The following MAP3K5 variants were observed in gnomAD, a reference collection of about 807,000 sequenced individuals.
MAP3K5 encodes the protein ASK-1.
In MAP3K5, 56 loss-of-function variants were observed where a neutral mutation model predicts 158.7. The ratio of observed to expected loss-of-function variants is 0.35; its 90% CI spans 0.28 to 0.44. MAP3K5 has a LOEUF of 0.44. Ranked by LOEUF, MAP3K5 falls within the 20% of genes least tolerant of loss-of-function variation. The pLI, the probability that MAP3K5 is intolerant of heterozygous loss-of-function variation, is 1.00. For missense variants in MAP3K5, 1,294 were observed against 1,674.8 expected (o/e 0.77, Z 3.97); for synonymous variants, 579 against 601.7 (o/e 0.96, Z 0.55).
intron 7 of MAP3K5, among the ~76,000 whole-genome samples, chr6:136,693,714 G>A (rs1780484071): frequency 6.6e-6 from 1 of 151,980 alleles, no homozygotes; most frequent in African/African-American, 2.4e-5. Context: ...TCTAAGATTG[G>A]CCCGGTGGCT....
At chr6:136,737,035 G>GTATATATATATATATA (rs1452375249) in intron 1 of MAP3K5, among the ~76,000 whole-genome samples, 35 of 118,708 alleles carry the variant, frequency 2.9e-4, no homozygotes, top group African/African-American at 5.7e-4. Flanking sequence ...ATATATGTGT[G>GTATATATATATATATA]TGTATATATA....
At chr6:136,645,503 T>G (rs1467236737) in intron 11 of MAP3K5, among the ~76,000 whole-genome samples, 5 of 152,078 alleles carry the variant, frequency 3.3e-5, no homozygotes, top group Admixed American at 6.6e-5. Flanking sequence ...TGCCCAAACT[T>G]CAACCCCCAA....
At chr6:136,588,916 C>T (rs1352825723) in intron 23 of MAP3K5, among the ~76,000 whole-genome samples, 1 of 152,212 alleles carries the variant, frequency 6.6e-6, no homozygotes. Context: ...GACAGCTTTC[C>T]TTTAGGACCC....
intron 1 of MAP3K5, among the ~76,000 whole-genome samples, chr6:136,757,579 A>ATTTATTTTTTTTTTTTTTTTTTTTT (rs1562679137): frequency 8.9e-6 from 1 of 111,970 alleles, no homozygotes. Flanking sequence ...TTATTTATTT[A>ATTTATTTTTTTTTTTTTTTTTTTTT]TTTTTTATTT....
At chr6:136,566,779 T>G (rs1774128808) in intron 26 of MAP3K5, among the ~76,000 whole-genome samples, 1 of 152,242 alleles carries the variant, frequency 6.6e-6, no homozygotes, top group African/African-American at 2.4e-5. Context: ...TTTTACCACT[T>G]GTACTCATTT....
intron 2 of MAP3K5, among the ~76,000 whole-genome samples, chr6:136,707,446 G>A (rs1420523542): frequency 1.3e-5 from 2 of 152,102 alleles, no homozygotes; most frequent in Middle Eastern, 3.2e-3. Flanking sequence ...GATCCAGGCC[G>A]GAGAGCTAGG....
chr6:136,571,804 T>C (rs1303324303), intron 25 of MAP3K5, among the ~76,000 whole-genome samples: 2 of 152,194 alleles, frequency 1.3e-5, no homozygotes, highest in East Asian at 1.9e-4. Context: ...GGTGCTTTCT[T>C]CTATCTTTAA....
Position 136,704,519 on chromosome 6 carries a change from A to C in MAP3K5, c.612+591T>G, listed in dbSNP as rs565366290. ...TTAGTGCCACTCATAATTCCACAAC[A>C]TTGAATACACTATAAAAGATTTTCT... On this transcript the variant is annotated intron_variant, in intron 3 of 29. Transcript: ENST00000359015. 5.8e-4 allele frequency among the ~76,000 whole-genome samples: 88 copies of C among 152,266 alleles called. 3 individuals carry two copies. The South Asian group carries it at 0.018, about 30-fold the overall frequency.
chr6:136,785,735 T>C (rs1285814487), intron 1 of MAP3K5, among the ~76,000 whole-genome samples: 2 of 152,154 alleles, frequency 1.3e-5, no homozygotes, highest in Non-Finnish European at 2.9e-5. Context: ...CCCCACCACC[T>C]TCACCACTCC....
At chr6:136,726,881 T>G (rs534266979) in intron 1 of MAP3K5, among the ~76,000 whole-genome samples, 11 of 152,266 alleles carry the variant, frequency 7.2e-5, no homozygotes, top group Middle Eastern at 6.8e-3. Context: ...ATATATTATT[T>G]TATATGTATT....
At chr6:136,661,795 C>G (rs1049716454) in intron 8 of MAP3K5, among the ~76,000 whole-genome samples, 3 of 152,192 alleles carry the variant, frequency 2.0e-5, no homozygotes, top group Non-Finnish European at 4.4e-5. Flanking sequence ...CTCGCCTTGG[C>G]CTCCCAAAGT....
At chr6:136,578,357 T>C (rs1456393028) in intron 25 of MAP3K5, among the ~76,000 whole-genome samples, 3 of 152,202 alleles carry the variant, frequency 2.0e-5, no homozygotes, top group Non-Finnish European at 4.4e-5. Context: ...ACTTATTGTT[T>C]CAACCAAATA....
intron 21 of MAP3K5, among the ~76,000 whole-genome samples, chr6:136,594,527 G>A (rs1028606896): frequency 6.6e-6 from 1 of 152,154 alleles, no homozygotes; most frequent in African/African-American, 2.4e-5. Context: ...ACTGATGGAA[G>A]AATACAGCTG....
intron 2 of MAP3K5, among the ~76,000 whole-genome samples, chr6:136,707,088 G>A (rs1055208382): frequency 1.3e-5 from 2 of 152,168 alleles, no homozygotes; most frequent in African/African-American, 2.4e-5. Context: ...CTTGAAGATC[G>A]AGGCTGCAGT....
intron 7 of MAP3K5, among the ~76,000 whole-genome samples, chr6:136,672,810 T>C (rs1156822148): frequency 6.6e-6 from 1 of 151,882 alleles, no homozygotes; most frequent in East Asian, 1.9e-4. Flanking sequence ...GCCAACATGG[T>C]GAAATCCTAT....
rs1467143604 is a variant in MAP3K5, at chr6:136,705,153, AT to A, written c.589-21del. ...TATTTCCTGAAAAACAAGAAAAAAA[AT>A]ATACCACAAGTTAATACAAAACTGA... On this transcript the variant is annotated intron_variant, in intron 2 of 29. Coordinates refer to ENST00000359015, the MANE Select transcript of MAP3K5 (RefSeq NM_005923.4). The A allele has an allele frequency of 4.4e-6, 5 of 1,127,310 alleles. No homozygotes were observed. The highest frequency in any genetic ancestry group is 2.4e-5 in the Admixed American group (1 of 41,022). The allele number at this position is 1,127,310 out of a possible 1,614,324, so 69.8% of individuals were successfully genotyped here.
intron 25 of MAP3K5, among the ~76,000 whole-genome samples, chr6:136,570,379 T>C (rs1168874534): frequency 6.6e-6 from 1 of 152,226 alleles, no homozygotes; most frequent in Non-Finnish European, 1.5e-5. Flanking sequence ...CACTTTTTTA[T>C]GTTTCTACTT....
intron 1 of MAP3K5, among the ~76,000 whole-genome samples, chr6:136,757,992 T>C (rs1406761963): frequency 3.3e-5 from 5 of 152,342 alleles, no homozygotes; most frequent in Admixed American, 1.3e-4. Context: ...ATAGGAGAGT[T>C]ATATAAAAGT....
chr6:136,714,249 A>T (rs1474405289), intron 2 of MAP3K5, among the ~76,000 whole-genome samples: 2 of 152,220 alleles, frequency 1.3e-5, no homozygotes, highest in East Asian at 3.9e-4. Context: ...ATTCAATTTA[A>T]GTGTGAGGTA....
Sources: allele counts gnomAD v4.1 joint callset (sites outside exome capture counted in the v4.1 genomes callset), GRCh38; gene constraint gnomAD v4.1.1; transcripts MANE v1.5; gene names NCBI Gene and HGNC (gene_info 2026-07-23, HGNC 2026-07-21).